Variants in GPR158 observed in about 807,000 individuals in gnomAD.
The protein encoded by GPR158 is metabotropic glycine receptor.
Under a neutral mutation model 78.2 loss-of-function variants are expected in GPR158, and 30 were observed. The observed-to-expected ratio is 0.38, with a 90% confidence interval of 0.29 to 0.52. GPR158 has a LOEUF of 0.52. Ranked by LOEUF, GPR158 falls within the 20% of genes least tolerant of loss-of-function variation. The pLI is 0.83. For synonymous variants in GPR158, 581 were observed against 591.1 expected (o/e 0.98, Z 0.25); for missense variants, 1,463 against 1,523.5 (o/e 0.96, Z 0.66).
intron 6 of GPR158, among the ~76,000 whole-genome samples, chr10:25,556,313 G>C (rs1386896215): frequency 6.6e-6 from 1 of 152,184 alleles, no homozygotes; most frequent in Non-Finnish European, 1.5e-5. Flanking sequence ...CCTAAGTCAT[G>C]ACCCCAAGGG....
At chr10:25,216,898 A>G (rs952440971) in intron 1 of GPR158, among the ~76,000 whole-genome samples, 17 of 152,210 alleles carry the variant, frequency 1.1e-4, no homozygotes, top group Middle Eastern at 3.2e-3. Flanking sequence ...TATATGCATG[A>G]CAGTGGTTGG....
intron 2 of GPR158, among the ~76,000 whole-genome samples, chr10:25,241,125 T>TTTTCTCTTTCTTTC (rs1853598686): frequency 1.8e-5 from 2 of 108,518 alleles, no homozygotes; most frequent in African/African-American, 7.4e-5. Context: ...TTTACTTTGA[T>TTTTCTCTTTCTTTC]TTTCTTTCTT....
chr10:25,522,089 T>C (rs927398674), intron 5 of GPR158, among the ~76,000 whole-genome samples: 1 of 152,226 alleles, frequency 6.6e-6, no homozygotes, highest in African/African-American at 2.4e-5. Context: ...AACTGAGTTA[T>C]AATTCTGGTG....
intron 2 of GPR158, among the ~76,000 whole-genome samples, chr10:25,320,917 G>C (rs1464571393): frequency 1.3e-5 from 2 of 152,176 alleles, no homozygotes; most frequent in Non-Finnish European, 2.9e-5. Flanking sequence ...TCTAACTCAG[G>C]AGAAAATCAT....
At chr10:25,182,365 C>T (rs1390671695) in intron 1 of GPR158, among the ~76,000 whole-genome samples, 2 of 152,162 alleles carry the variant, frequency 1.3e-5, no homozygotes, top group Non-Finnish European at 2.9e-5. Context: ...CATGTTTCGA[C>T]ATTTGGAAGC....
At chr10:25,321,138 G>C (rs1854942468) in intron 2 of GPR158, among the ~76,000 whole-genome samples, 1 of 152,156 alleles carries the variant, frequency 6.6e-6, no homozygotes. Context: ...TGCAAAATTA[G>C]AAAGTCATAA....
intron 2 of GPR158, among the ~76,000 whole-genome samples, chr10:25,368,402 A>G (rs1360447259): frequency 6.6e-6 from 1 of 151,886 alleles, no homozygotes; most frequent in Non-Finnish European, 1.5e-5. Context: ...AAAGCAAATA[A>G]CCTCATTAAA....
chr10:25,245,483 C>T (rs952915567), intron 2 of GPR158, among the ~76,000 whole-genome samples: 1 of 151,948 alleles, frequency 6.6e-6, no homozygotes, highest in African/African-American at 2.4e-5. Flanking sequence ...GGAATATGAC[C>T]TATTCTTCAC....
At chr10:25,272,428 A>G (rs1378457323) in intron 2 of GPR158, among the ~76,000 whole-genome samples, 1 of 152,018 alleles carries the variant, frequency 6.6e-6, no homozygotes, top group Non-Finnish European at 1.5e-5. Context: ...TTTATTTTCT[A>G]TCTCCTCTGC....
At chr10:25,419,244 A>C (rs1293725692) in intron 4 of GPR158, among the ~76,000 whole-genome samples, 2 of 152,150 alleles carry the variant, frequency 1.3e-5, no homozygotes, top group Non-Finnish European at 2.9e-5. Context: ...GGAATCGTAT[A>C]ATATTTATTC....
chr10:25,418,336 G>A (rs1834692824), intron 4 of GPR158, among the ~76,000 whole-genome samples: 1 of 152,054 alleles, frequency 6.6e-6, no homozygotes, highest in Non-Finnish European at 1.5e-5. Flanking sequence ...CATTTTAAAT[G>A]ACACAAATGA....
At chr10:25,481,932 C>T (rs138157125) in intron 5 of GPR158, among the ~76,000 whole-genome samples, 47 of 152,176 alleles carry the variant, frequency 3.1e-4, no homozygotes, top group African/African-American at 1.0e-3. Context: ...GAGGACTGGG[C>T]GGAGGGGAAC....
chr10:25,433,724 G>T (rs1405411992), intron 4 of GPR158, among the ~76,000 whole-genome samples: 1 of 138,456 alleles, frequency 7.2e-6, no homozygotes, highest in Non-Finnish European at 1.6e-5. Context: ...TACAGGTGGG[G>T]TTCTTGCCAT....
chr10:25,195,059 C>A (rs1358120207), intron 1 of GPR158, among the ~76,000 whole-genome samples: 1 of 151,960 alleles, frequency 6.6e-6, no homozygotes, highest in East Asian at 1.9e-4. Flanking sequence ...TTTTCTAGAT[C>A]ACTTGCTTAA....
chr10:25,395,671 C>T (rs560591721), intron 2 of GPR158, among the ~76,000 whole-genome samples: 18 of 152,120 alleles, frequency 1.2e-4, no homozygotes, highest in Middle Eastern at 3.4e-3. Flanking sequence ...TCCATTGCCA[C>T]AGGAAGTAAA....
At chr10:25,447,005 GA>G (rs1163647369) in intron 4 of GPR158, among the ~76,000 whole-genome samples, 1 of 152,178 alleles carries the variant, frequency 6.6e-6, no homozygotes, top group Admixed American at 6.5e-5. Flanking sequence ...CTGAGGCCAG[GA>G]AAAAGTGACT....
At chr10:25,560,938 C>G (rs535498746) in intron 6 of GPR158, among the ~76,000 whole-genome samples, 2 of 152,128 alleles carry the variant, frequency 1.3e-5, no homozygotes, top group African/African-American at 4.8e-5. Context: ...TGTGATATCT[C>G]TAGGAAATAC....
At chr10:25,565,514 G>A (rs1836917914) in intron 6 of GPR158, among the ~76,000 whole-genome samples, 1 of 152,170 alleles carries the variant, frequency 6.6e-6, no homozygotes, top group Admixed American at 6.5e-5. Flanking sequence ...GATTCCTGTT[G>A]TGCTTTTAAA....
chr10:25,289,936 CTG>C (rs553685950), intron 2 of GPR158, among the ~76,000 whole-genome samples: 1 of 152,118 alleles, frequency 6.6e-6, no homozygotes, highest in South Asian at 2.1e-4. Flanking sequence ...CAAATCAAGA[CTG>C]TAATTAATTG....
Sources: gnomAD v4.1 joint callset for allele counts (sites outside exome capture counted in the v4.1 genomes callset) on GRCh38, gnomAD v4.1.1 for gene constraint, MANE v1.5 for transcripts, NCBI Gene and HGNC (gene_info 2026-07-23, HGNC 2026-07-21) for gene names.